Variants in MYT1L observed in about 807,000 individuals in gnomAD.
MYT1L encodes myelin transcription factor 1 like.
MYT1L carries 12 observed loss-of-function variants against 126.7 expected under a neutral mutation model. The ratio of observed to expected loss-of-function variants is 0.09; its 90% confidence interval spans 0.06 to 0.15. The LOEUF (loss-of-function observed/expected upper bound fraction) is 0.15. Among genes scored for constraint, MYT1L ranks in the 10% least tolerant of loss-of-function variants. The pLI is 1.00. For synonymous variants in MYT1L, 541 were observed against 604.2 expected (o/e 0.90, Z 1.53); for missense variants, 979 against 1,585.2 (o/e 0.62, Z 6.49).
chr2:1,977,638 G>A (rs555686690), intron 8 of MYT1L, among the ~76,000 whole-genome samples: 1 of 152,196 alleles, frequency 6.6e-6, no homozygotes, highest in East Asian at 1.9e-4. Context: ...AATATCTCAT[G>A]TACCCCCTAA....
chr2:1,895,295 A>G (rs2049432779), intron 14 of MYT1L, among the ~76,000 whole-genome samples: 1 of 152,262 alleles, frequency 6.6e-6, no homozygotes, highest in African/African-American at 2.4e-5. Flanking sequence ...AGCAATCTGC[A>G]GATTCAATTC....
At chr2:2,210,007 C>T (rs913848756) in intron 2 of MYT1L, among the ~76,000 whole-genome samples, 9 of 152,132 alleles carry the variant, frequency 5.9e-5, no homozygotes, top group African/African-American at 2.2e-4. Flanking sequence ...ATGAGATCTC[C>T]CTGCAGGTTT....
At chr2:1,892,367 C>T in intron 14 of MYT1L, 80 bp from the exon 15 acceptor site, 1 of 1,490,654 alleles carries the variant, frequency 6.7e-7, no homozygotes, top group South Asian at 1.3e-5. Context: ...GCCTGCCCGC[C>T]CCGGCCTCAG....
At chr2:1,942,195 CACA>C (rs2056727864) in intron 9 of MYT1L, among the ~76,000 whole-genome samples, 1 of 152,116 alleles carries the variant, frequency 6.6e-6, no homozygotes, top group Admixed American at 6.6e-5. Flanking sequence ...CAAACAAAAC[CACA>C]AAACTCCCAC....
At chr2:2,252,837 C>G (rs931506394) in intron 2 of MYT1L, among the ~76,000 whole-genome samples, 1 of 152,152 alleles carries the variant, frequency 6.6e-6, no homozygotes, top group Non-Finnish European at 1.5e-5. Context: ...CTTTCTTCCC[C>G]CTTATGTGAA....
At chr2:2,243,391 T>C (rs2094474120) in intron 2 of MYT1L, among the ~76,000 whole-genome samples, 1 of 152,240 alleles carries the variant, frequency 6.6e-6, no homozygotes, top group African/African-American at 2.4e-5. Context: ...TTTATTTACA[T>C]CGGACTATAC....
At chr2:1,875,103 A>G (rs1431435724) in intron 18 of MYT1L, among the ~76,000 whole-genome samples, 1 of 152,220 alleles carries the variant, frequency 6.6e-6, no homozygotes, top group Non-Finnish European at 1.5e-5. Context: ...GAGGGGCGCC[A>G]TCAGGGAGAG....
chr2:1,848,969 C>T lies in MYT1L; in HGVS notation c.2774+2672G>A, dbSNP rs1434593633. Among the ~76,000 whole-genome samples, 1 of 152,210 alleles carries T rather than the reference C, an allele frequency of 6.6e-6. No homozygotes were observed. Reference sequence around the variant, plus strand: ...ATTTGTCAAACACAAATCACACTTACTTTCCAACTCCATTGACTTAACCCT... The same window carrying T: ...ATTTGTCAAACACAAATCACACTTATTTTCCAACTCCATTGACTTAACCCT... On this transcript the variant is annotated intron_variant, in intron 19 of 24. Transcript: ENST00000647738. This position sits in a 1 kb window ranked among gnomAD's most constrained non-coding sequence, Gnocchi z 4.8.
chr2:2,003,991 G>GTTCTTTCCTGCAGGCA (rs2062729890), intron 4 of MYT1L, among the ~76,000 whole-genome samples: 1 of 148,374 alleles, frequency 6.7e-6, no homozygotes, highest in Admixed American at 6.7e-5. Flanking sequence ...TCCTGCAAGC[G>GTTCTTTCCTGCAGGCA]TTCTTTCCTG....
intron 4 of MYT1L, among the ~76,000 whole-genome samples, chr2:2,007,539 C>T (rs941590158): frequency 3.3e-5 from 5 of 152,184 alleles, no homozygotes; most frequent in Non-Finnish European, 5.9e-5. Flanking sequence ...TGAGGAGTTG[C>T]TACCTGTGGA....
chr2:2,204,439 A>C (rs1348907710), intron 2 of MYT1L, among the ~76,000 whole-genome samples: 6 of 150,640 alleles, frequency 4.0e-5, no homozygotes, highest in Non-Finnish European at 7.4e-5. Flanking sequence ...ACCCCATCAA[A>C]AAGTGGGCGA....
At position 1,852,067 on chromosome 2, in the gene MYT1L, C is replaced by T. The variant is rs1219714381; in HGVS notation, c.2712-364G>A. Among the ~76,000 whole-genome samples the T allele has an allele frequency of 6.6e-6, 1 of 152,200 alleles. No homozygotes were observed. The highest frequency in any genetic ancestry group is 1.5e-5 in the Non-Finnish European group (1 of 68,034). On this transcript the variant is annotated intron_variant, in intron 18 of 24. Transcript: ENST00000647738. This position sits in a 1 kb window ranked among gnomAD's most constrained non-coding sequence, Gnocchi z 4.0. The stretch of plus-strand genomic sequence containing the variant: ...CACAGGGCTTGTTACTGCACCAGCC[C>T]ACGTGGGAAGCAAGGCTCACACATG...
intron 4 of MYT1L, among the ~76,000 whole-genome samples, chr2:2,006,413 A>G (rs115074145): frequency 0.03 from 4,643 of 152,240 alleles, 69 homozygotes; most frequent in Middle Eastern, 0.054. Context: ...AGCCTCCAAC[A>G]CAGTATAATT....
At chr2:2,326,346 T>C (rs6708950) in intron 1 of MYT1L, 33,278 of 152,278 alleles carry the variant, frequency 0.22, 3,939 homozygotes, top group South Asian at 0.29. Flanking sequence ...GAACACCCTC[T>C]TCCAGCTCTC....
At chr2:1,820,541 TTTGTTG>T (rs538205555) in intron 21 of MYT1L, among the ~76,000 whole-genome samples, 5 of 151,910 alleles carry the variant, frequency 3.3e-5, no homozygotes, top group African/African-American at 1.2e-4. Context: ...CAGTTGGCTT[TTTGTTG>T]TTGTTGTTGT....
In MYT1L at chr2:1,963,317, C is replaced by A. The variant is rs564555718; in HGVS notation, c.152+15848G>T. Among the ~76,000 whole-genome samples, 28 of 152,344 alleles carry A rather than the reference C, an allele frequency of 1.8e-4. No homozygotes were observed. In the South Asian group the frequency reaches 4.8e-3, roughly 26 times the overall value. ...ACCATGCTGTAAACAAATGTGCTGT[C>A]ATCCAGGCTTTGTTCTTTTATTTAT... is the stretch of plus-strand genomic sequence containing the variant. On this transcript the variant is annotated intron_variant, in intron 8 of 24. Transcript: ENST00000647738.
chr2:2,273,658 T>C (rs2095307846), intron 2 of MYT1L, among the ~76,000 whole-genome samples: 1 of 152,146 alleles, frequency 6.6e-6, no homozygotes, highest in Non-Finnish European at 1.5e-5. Context: ...AGGGGGGCTG[T>C]GACCAGGGCC....
At chr2:2,229,694 C>G (rs1427222608) in intron 2 of MYT1L, among the ~76,000 whole-genome samples, 1 of 152,026 alleles carries the variant, frequency 6.6e-6, no homozygotes, top group Non-Finnish European at 1.5e-5. Flanking sequence ...AGGCAAGGCA[C>G]TGTGTTCAGA....
intron 3 of MYT1L, among the ~76,000 whole-genome samples, chr2:2,069,774 T>A (rs909959150): frequency 2.6e-5 from 4 of 152,010 alleles, no homozygotes; most frequent in Non-Finnish European, 5.9e-5. Context: ...CTAACTGGCA[T>A]AAGATGGCAT....
Sources: gnomAD v4.1 joint callset for allele counts (sites outside exome capture counted in the v4.1 genomes callset) on GRCh38, gnomAD v4.1.1 for gene constraint, Gnocchi (gnomAD v3.1) non-coding constraint, MANE v1.5 for transcripts, NCBI Gene and HGNC (gene_info 2026-07-23, HGNC 2026-07-21) for gene names.